RORB: variants seen among roughly 807,000 people sequenced by gnomAD.
RORB encodes the protein nuclear receptor ROR-beta.
In RORB, 6 loss-of-function variants were observed where a neutral mutation model predicts 59.1. The observed-to-expected ratio is 0.10, with a 90% confidence interval of 0.06 to 0.20. The LOEUF (loss-of-function observed/expected upper bound fraction) is 0.20. Ranked by LOEUF, RORB falls within the 10% of genes least tolerant of loss-of-function variation. RORB has a pLI of 1.00. For missense variants in RORB, 320 were observed against 560.5 expected, an observed-to-expected ratio of 0.57 and a Z score of 4.33; for synonymous variants, 215 against 204.5, an observed-to-expected ratio of 1.05 and a Z score of -0.44.
chr9:74,534,951 T>C (rs963725427), intron 1 of RORB, among the ~76,000 whole-genome samples: 3 of 152,062 alleles, frequency 2.0e-5, no homozygotes, highest in Admixed American at 6.6e-5. Flanking sequence ...TCTATCACTG[T>C]ATCTGACTGA....
At chr9:74,517,075 A>T (rs529693157) in intron 1 of RORB, among the ~76,000 whole-genome samples, 3 of 152,080 alleles carry the variant, frequency 2.0e-5, no homozygotes, top group South Asian at 4.1e-4. Context: ...CCAAGAATCT[A>T]AAATAGCTGA....
chr9:74,664,530 G>A (rs1824238097), intron 6 of RORB, among the ~76,000 whole-genome samples: 1 of 152,132 alleles, frequency 6.6e-6, no homozygotes, highest in Non-Finnish European at 1.5e-5. Context: ...AATGTAAGAG[G>A]CCAAAGAAAG....
chr9:74,599,131 G>A (rs981381356), intron 1 of RORB, among the ~76,000 whole-genome samples: 18 of 152,066 alleles, frequency 1.2e-4, no homozygotes, highest in African/African-American at 4.3e-4. Context: ...GAATTTTGGT[G>A]GTGACAAACT....
intron 1 of RORB, among the ~76,000 whole-genome samples, chr9:74,520,570 T>A (rs902052441): frequency 6.6e-6 from 1 of 151,326 alleles, no homozygotes; most frequent in African/African-American, 2.4e-5. Flanking sequence ...TCTTTTTTAA[T>A]TTTTTTTTGT....
intron 4 of RORB, among the ~76,000 whole-genome samples, chr9:74,649,917 A>G (rs926462111): frequency 6.6e-6 from 1 of 152,166 alleles, no homozygotes; most frequent in African/African-American, 2.4e-5. Context: ...TGCAAAATTT[A>G]TCTTCCTCAG....
intron 1 of RORB, among the ~76,000 whole-genome samples, chr9:74,591,087 G>A (rs1001600592): frequency 6.6e-6 from 1 of 152,204 alleles, no homozygotes; most frequent in African/African-American, 2.4e-5. Flanking sequence ...GAGCCACCGT[G>A]TCCAGCCAAA....
chr9:74,525,764 C>G (rs1405783506), intron 1 of RORB, among the ~76,000 whole-genome samples: 3 of 151,910 alleles, frequency 2.0e-5, no homozygotes, highest in Non-Finnish European at 4.4e-5. Flanking sequence ...CCCATTCTAA[C>G]AGAACCTCGA....
chr9:74,643,205 C>G, intron 4 of RORB, among the ~76,000 whole-genome samples: 1 of 152,080 alleles, frequency 6.6e-6, no homozygotes, highest in East Asian at 1.9e-4. Flanking sequence ...AATAACCAAA[C>G]GAACAGGGGC....
intron 1 of RORB, 65 bp from the exon 2 acceptor site, chr9:74,630,217 G>T: frequency 6.3e-7 from 1 of 1,586,436 alleles, no homozygotes; most frequent in Non-Finnish European, 8.6e-7. Context: ...TGGGGAGAGA[G>T]ATAGGAAGAG....
At chr9:74,617,092 C>G (rs1186130546) in intron 1 of RORB, among the ~76,000 whole-genome samples, 1 of 151,618 alleles carries the variant, frequency 6.6e-6, no homozygotes, top group East Asian at 1.9e-4. Flanking sequence ...CACCCGCTCC[C>G]CCCGCAAAAA....
chr9:74,596,676 C>T (rs549278232), intron 1 of RORB, among the ~76,000 whole-genome samples: 1 of 152,304 alleles, frequency 6.6e-6, no homozygotes, highest in Admixed American at 6.5e-5. Flanking sequence ...ACCCTGAGCT[C>T]ACTCCAAGTT....
At chr9:74,593,268 A>T (rs1822926014) in intron 1 of RORB, among the ~76,000 whole-genome samples, 1 of 152,078 alleles carries the variant, frequency 6.6e-6, no homozygotes, top group Non-Finnish European at 1.5e-5. Context: ...GGAGTTCGAG[A>T]CCATCCTGAC....
chr9:74,606,927 G>A (rs1823158450), intron 1 of RORB, among the ~76,000 whole-genome samples: 1 of 152,290 alleles, frequency 6.6e-6, no homozygotes, highest in Non-Finnish European at 1.5e-5. Context: ...TCTATTTGTT[G>A]TTGTTCTTGT....
At position 74,662,497 on chromosome 9, in the gene RORB, A is replaced by G. The variant is rs1824204929; in HGVS notation, c.783A>G (p.Gln261=). ...QSKSREALWQ[Q]CAIQITHAIQ... is the part of the protein sequence containing the mutation. ...AGTCCAGGGAAGCACTGTGGCAACA[A>G]TGTGCCATCCAGATCACTCACGCCA... Residue 261 remains glutamine (Q), a synonymous_variant, in exon 6 of 10, where the codon CAA becomes CAG. Transcript: ENST00000376896. The G allele has an allele frequency of 1.2e-6, 2 of 1,613,990 alleles. No individual in the cohort carries two copies. Among genetic ancestry groups the G allele is most frequent in the Non-Finnish European group, 1.7e-6 (2 of 1,179,982 alleles).
At chr9:74,571,401 TAA>T (rs78421295) in intron 1 of RORB, among the ~76,000 whole-genome samples, 12 of 135,874 alleles carry the variant, frequency 8.8e-5, no homozygotes, top group African/African-American at 8.2e-5. Context: ...TACTTTCCTT[TAA>T]AAAAAAAAAA....
chr9:74,511,436 C>CT (rs1229433353), intron 1 of RORB, among the ~76,000 whole-genome samples: 4 of 150,970 alleles, frequency 2.6e-5, no homozygotes, highest in Non-Finnish European at 5.9e-5. Context: ...TTTTCTTCTT[C>CT]TTTTTTTTTC....
chr9:74,623,438 TCTC>T (rs994914642), intron 1 of RORB, among the ~76,000 whole-genome samples: 1 of 29,172 alleles, frequency 3.4e-5, no homozygotes, highest in Non-Finnish European at 1.3e-4. Flanking sequence ...GAGTTTTCTC[TCTC>T]TTTTTTTTTT....
rs901535673 is a variant in RORB, at chr9:74,691,659, T to C, written c.*6041T>C. On this transcript the variant is annotated 3_prime_UTR_variant, in exon 10 of 10. Coordinates refer to ENST00000376896, the MANE Select transcript of RORB (RefSeq NM_006914.4). ...GTGAGTACACTGATTTTTCTATGTC[T>C]CTGTTTAAGCATAAGACTTTGTAAC... 6.6e-6 allele frequency: 1 copy of C among 152,222 alleles called. No homozygotes were observed. Among genetic ancestry groups the C allele is most frequent in the African/African-American group, 2.4e-5 (1 of 41,458 alleles). 9.4% of individuals were successfully genotyped at this position (152,222 alleles called of 1,614,324 possible).
At chr9:74,596,183 C>T (rs963150225) in intron 1 of RORB, among the ~76,000 whole-genome samples, 1 of 152,122 alleles carries the variant, frequency 6.6e-6, no homozygotes, top group Non-Finnish European at 1.5e-5. Context: ...ATTATGAAAA[C>T]ACCTGTACTT....
Sources: allele counts gnomAD v4.1 joint callset (sites outside exome capture counted in the v4.1 genomes callset), GRCh38; gene constraint gnomAD v4.1.1; transcripts MANE v1.5; gene names NCBI Gene and HGNC (gene_info 2026-07-23, HGNC 2026-07-21).